Variants in ABCC9 observed in about 807,000 individuals in gnomAD.
ABCC9 encodes the protein ATP-binding cassette sub-family C member 9.
In ABCC9, 95 loss-of-function variants were observed where a neutral mutation model predicts 188.3. That is an observed-to-expected ratio of 0.50 (90% CI 0.43 to 0.60). The LOEUF is 0.60. Ranked by LOEUF, ABCC9 falls within the 20% of genes least tolerant of loss-of-function variation. The pLI is 0.00. For missense variants in ABCC9, 1,102 were observed against 1,876.3 expected (o/e 0.59, Z 7.62); for synonymous variants, 659 against 652.7 (o/e 1.01, Z -0.15).
intron 38 of ABCC9, among the ~76,000 whole-genome samples, chr12:21,807,120 A>G (rs1941911282): frequency 1.3e-5 from 2 of 152,160 alleles, no homozygotes; most frequent in African/African-American, 4.8e-5. Flanking sequence ...AGTTGTGGCA[A>G]ATTTATTTTA....
chr12:21,940,232 C>A (rs961393958), intron 2 of ABCC9, among the ~76,000 whole-genome samples: 1 of 152,114 alleles, frequency 6.6e-6, no homozygotes, highest in African/African-American at 2.4e-5. Context: ...AGAAAACATG[C>A]TAAATTTAAA....
chr12:21,831,351 A>C (rs1943750048), intron 30 of ABCC9, among the ~76,000 whole-genome samples: 1 of 151,988 alleles, frequency 6.6e-6, no homozygotes, highest in African/African-American at 2.4e-5. Flanking sequence ...GTAGATTTTC[A>C]TCCATTCATT....
intron 4 of ABCC9, among the ~76,000 whole-genome samples, chr12:21,930,190 GGT>G (rs1265725413): frequency 6.6e-6 from 1 of 151,978 alleles, no homozygotes; most frequent in African/African-American, 2.4e-5. Flanking sequence ...AGTATTCCAT[GGT>G]GTATATGTGC....
intron 31 of ABCC9, 141 bp from the exon 32 acceptor site, chr12:21,818,392 G>A: frequency 4.2e-6 from 3 of 709,686 alleles, no homozygotes; most frequent in South Asian, 3.1e-5. Flanking sequence ...GAATACCTAA[G>A]ATGTAGAAGA....
At chr12:21,909,831 C>A (rs1022434889) in intron 10 of ABCC9, among the ~76,000 whole-genome samples, 1 of 151,878 alleles carries the variant, frequency 6.6e-6, no homozygotes, top group Non-Finnish European at 1.5e-5. Context: ...ACATATTAAT[C>A]TATTTAACCT....
rs1218291408 is a variant in ABCC9 at position 21,809,926 on chromosome 12, G to A, written c.4241C>T (p.Thr1414Ile). 2 of 1,612,110 alleles carry A rather than the reference G, an allele frequency of 1.2e-6. No individual in the cohort carries two copies. Among genetic ancestry groups the A allele is most frequent in the Non-Finnish European group, 1.7e-6 (2 of 1,179,000 alleles). The change falls in exon 37 of 40, where the codon ACA becomes ATA. Residue 1414 changes from threonine to isoleucine, a missense_variant. This residue lies in a region of ABCC9 where 67 missense variants were observed against 101.0 expected (regional missense o/e 0.66). Coordinates refer to ENST00000261200, the MANE Select transcript of ABCC9 (RefSeq NM_020297.4). Reference sequence around the variant, plus strand: ...TAAGGCTTCCCAGAGTCTGTCATCTGTGCATTTGCACTCTGGATCTAAATT... The same window carrying A: ...TAAGGCTTCCCAGAGTCTGTCATCTATGCATTTGCACTCTGGATCTAAATT... ...RFNLDPECKC[T>I]DDRLWEALEI...
chr12:21,810,902 G>A (rs906040268), intron 36 of ABCC9, among the ~76,000 whole-genome samples: 1 of 152,096 alleles, frequency 6.6e-6, no homozygotes, highest in African/African-American at 2.4e-5. Context: ...AGTAAAAGGA[G>A]GTGGCAAACA....
At chr12:21,922,751 C>CTTTTT (rs143763191) in intron 5 of ABCC9, among the ~76,000 whole-genome samples, 2 of 119,120 alleles carry the variant, frequency 1.7e-5, no homozygotes, top group African/African-American at 6.1e-5. Context: ...TTTTTTTTTT[C>CTTTTT]TTTTTTTTTT....
intron 25 of ABCC9, among the ~76,000 whole-genome samples, chr12:21,847,396 T>C (rs945149987): frequency 1.3e-5 from 2 of 152,222 alleles, no homozygotes; most frequent in African/African-American, 4.8e-5. Context: ...TGAATATTTG[T>C]TGAAATACAG....
rs201890839 is a variant in ABCC9 at position 21,911,180 on chromosome 12, GA to G, written c.1012-203del. ...TGAGTGATGGAAATGCCTAATTGAA[GA>G]AAAAAAAGGTAGAATTTATTTTTAA... On this transcript the variant is annotated intron_variant, in intron 8 of 39. Coordinates refer to ENST00000261200, the MANE Select transcript of ABCC9 (RefSeq NM_020297.4). Among the ~76,000 whole-genome samples the G allele has an allele frequency of 4.0e-4, 61 of 150,898 alleles. No individual in the cohort carries two copies. In the East Asian group the frequency reaches 8.9e-3, roughly 22 times the overall value.
At chr12:21,863,205 C>A (rs1305174002) in intron 19 of ABCC9, 151 bp from the exon 20 acceptor site, 15 of 607,678 alleles carry the variant, frequency 2.5e-5, no homozygotes, top group Non-Finnish European at 3.4e-5. Context: ...TTAAAGACCA[C>A]CAACCTTATT....
At chr12:21,888,107 T>C (rs939993558) in intron 14 of ABCC9, 173 bp from the exon 15 acceptor site, 1 of 605,138 alleles carries the variant, frequency 1.7e-6, no homozygotes, top group Non-Finnish European at 3.0e-6. Context: ...CCTAAATTGC[T>C]GAGGACAGAG....
chr12:21,843,852 G>A (rs575120470), intron 28 of ABCC9, among the ~76,000 whole-genome samples: 8 of 152,248 alleles, frequency 5.3e-5, no homozygotes, highest in South Asian at 4.1e-4. Context: ...GGGCCATTTC[G>A]GTATTCCGAA....
intron 22 of ABCC9, among the ~76,000 whole-genome samples, chr12:21,857,717 C>A (rs1163581611): frequency 6.6e-6 from 1 of 152,150 alleles, no homozygotes. Context: ...ATGTTGCTGG[C>A]TTCAAAGGTG....
chr12:21,906,357 T>A, intron 11 of ABCC9, 69 bp from the exon 12 acceptor site: 1 of 1,496,286 alleles, frequency 6.7e-7, no homozygotes, highest in Non-Finnish European at 9.1e-7. Context: ...AACCATGTAA[T>A]GGACAGGGAT....
intron 12 of ABCC9, among the ~76,000 whole-genome samples, chr12:21,904,432 TCTAA>T (rs1246014834): frequency 1.3e-5 from 2 of 152,062 alleles, no homozygotes; most frequent in Non-Finnish European, 2.9e-5. Flanking sequence ...ACAAATGGAA[TCTAA>T]CTAAACTAAA....
At chr12:21,822,747 T>C (rs558103374) in intron 31 of ABCC9, among the ~76,000 whole-genome samples, 8 of 143,512 alleles carry the variant, frequency 5.6e-5, no homozygotes, top group South Asian at 4.3e-4. Context: ...GCTGAGATCA[T>C]GCCACTGCAC....
intron 20 of ABCC9, among the ~76,000 whole-genome samples, chr12:21,862,641 A>G (rs112735584): frequency 2.6e-5 from 4 of 152,074 alleles, no homozygotes; most frequent in African/African-American, 4.8e-5. Flanking sequence ...TTCCTTCTCT[A>G]TCTTCTCACC....
chr12:21,839,890 AAGAT>A (rs1409876995), intron 29 of ABCC9, among the ~76,000 whole-genome samples: 1 of 152,210 alleles, frequency 6.6e-6, no homozygotes, highest in Non-Finnish European at 1.5e-5. Context: ...CGGGGAGAGA[AAGAT>A]AGAAGGAAGT....
Sources: gnomAD v4.1 joint callset for allele counts (sites outside exome capture counted in the v4.1 genomes callset) on GRCh38, gnomAD v4.1.1 for gene constraint, gnomAD v4.1.1 regional missense constraint, MANE v1.5 for transcripts, NCBI Gene and HGNC (gene_info 2026-07-23, HGNC 2026-07-21) for gene names.